DLG2: variants seen among roughly 807,000 people sequenced by gnomAD.
DLG2 encodes the protein discs large MAGUK scaffold protein 2, also known as disks large homolog 2.
A neutral mutation model predicts 132.5 loss-of-function variants in DLG2; 45 were observed. That is an observed-to-expected ratio of 0.34 (90% CI 0.27 to 0.44). The LOEUF (loss-of-function observed/expected upper bound fraction) is 0.44, where lower values mean the gene tolerates loss of function less well. DLG2 is among the 20% of genes least tolerant of loss of function. The pLI is 1.00. For missense variants in DLG2, 1,045 were observed against 1,196.9 expected (o/e 0.87, Z 1.87); for synonymous variants, 424 against 419.6 (o/e 1.01, Z -0.13).
At chr11:85,043,051 T>C (rs1046179329) in intron 6 of DLG2, among the ~76,000 whole-genome samples, 5 of 151,874 alleles carry the variant, frequency 3.3e-5, no homozygotes, top group Non-Finnish European at 5.9e-5. Context: ...ATCGTCAGCC[T>C]TTGCTATCTT....
At chr11:84,897,733 A>G (rs1473067606) in intron 6 of DLG2, among the ~76,000 whole-genome samples, 1 of 151,916 alleles carries the variant, frequency 6.6e-6, no homozygotes, top group African/African-American at 2.4e-5. Flanking sequence ...CTGTATCTCA[A>G]TTACATAGTG....
At chr11:84,242,915 GAAAATAGTC>G (rs1399976391) in intron 8 of DLG2, among the ~76,000 whole-genome samples, 3 of 150,844 alleles carry the variant, frequency 2.0e-5, no homozygotes, top group Non-Finnish European at 4.4e-5. Flanking sequence ...TAGAAGATTT[GAAAATAGTC>G]AACTTAAAAA....
At chr11:83,866,334 C>G (rs2062371573) in intron 16 of DLG2, among the ~76,000 whole-genome samples, 1 of 152,100 alleles carries the variant, frequency 6.6e-6, no homozygotes, top group Admixed American at 6.6e-5. Context: ...AAGTTTGGGA[C>G]AGATAAAATC....
intron 3 of DLG2, among the ~76,000 whole-genome samples, chr11:85,332,755 A>C (rs976631630): frequency 1.3e-5 from 2 of 152,172 alleles, no homozygotes; most frequent in Admixed American, 6.5e-5. Context: ...CTCAAAGATC[A>C]GATGACTGTA....
Position 85,096,392 on chromosome 11 carries a change from G to A in DLG2, c.357+15269C>T, listed in dbSNP as rs961892615. On this transcript the variant is annotated intron_variant, in intron 6 of 27. Transcript: ENST00000376104. Reference sequence around the variant, plus strand: ...AAGTTAGCAAGACCACGAACCCACCGGGAGGAACAAACAACTCCAGACGCG... The same window carrying A: ...AAGTTAGCAAGACCACGAACCCACCAGGAGGAACAAACAACTCCAGACGCG... Among the ~76,000 whole-genome samples, 30 of 150,648 alleles carry A rather than the reference G, an allele frequency of 2.0e-4. No homozygotes were observed. In the East Asian group the frequency reaches 5.9e-3, roughly 30 times the overall value.
At chr11:84,770,643 C>CTTT (rs34470318) in intron 6 of DLG2, among the ~76,000 whole-genome samples, 1,453 of 140,344 alleles carry the variant, frequency 0.01, 26 homozygotes, top group Middle Eastern at 0.015. Context: ...TGATTTCATT[C>CTTT]TTTTTTTTTT....
intron 17 of DLG2, among the ~76,000 whole-genome samples, chr11:83,793,226 G>A (rs1185373870): frequency 1.3e-5 from 2 of 151,996 alleles, no homozygotes; most frequent in African/African-American, 4.8e-5. Context: ...TTGTACTGTT[G>A]TATTTTAACT....
chr11:85,610,568 A>G (rs1157825067), intron 2 of DLG2, among the ~76,000 whole-genome samples: 1 of 152,182 alleles, frequency 6.6e-6, no homozygotes, highest in East Asian at 1.9e-4. Flanking sequence ...TTGGTCAGGC[A>G]CTGGCCCAAG....
intron 7 of DLG2, among the ~76,000 whole-genome samples, chr11:84,400,043 CTG>C (rs947248639): frequency 2.0e-5 from 3 of 152,176 alleles, no homozygotes; most frequent in Admixed American, 1.3e-4. Flanking sequence ...GAAAATTCTG[CTG>C]TGTTTACCTA....
chr11:84,387,787 C>T (rs564537804), intron 7 of DLG2, among the ~76,000 whole-genome samples: 12 of 152,084 alleles, frequency 7.9e-5, no homozygotes, highest in East Asian at 1.9e-4. Context: ...CAGAAGACCA[C>T]GGGATATGGA....
At chr11:83,755,642 G>A (rs1402783116) in intron 18 of DLG2, among the ~76,000 whole-genome samples, 6 of 151,210 alleles carry the variant, frequency 4.0e-5, no homozygotes, top group Non-Finnish European at 8.8e-5. Context: ...TACTGGCCAA[G>A]AATCTAAGCT....
intron 7 of DLG2, among the ~76,000 whole-genome samples, chr11:84,439,629 A>C (rs1396864109): frequency 6.6e-6 from 1 of 152,170 alleles, no homozygotes; most frequent in Admixed American, 6.5e-5. Flanking sequence ...CCAACGAATA[A>C]ATATACATGG....
intron 6 of DLG2, among the ~76,000 whole-genome samples, chr11:84,888,227 G>C (rs1163728453): frequency 6.6e-6 from 1 of 152,092 alleles, no homozygotes; most frequent in Non-Finnish European, 1.5e-5. Context: ...GAGTAAATTA[G>C]CATTTGAATG....
chr11:84,979,573 G>A (rs1015116450), intron 6 of DLG2, among the ~76,000 whole-genome samples: 9 of 151,642 alleles, frequency 5.9e-5, no homozygotes, highest in South Asian at 2.1e-4. Flanking sequence ...ACCAAACACC[G>A]CATGTTCTCA....
chr11:84,814,380 C>A (rs1012367975), intron 6 of DLG2, among the ~76,000 whole-genome samples: 1 of 152,002 alleles, frequency 6.6e-6, no homozygotes, highest in African/African-American at 2.4e-5. Context: ...TGCTCTAGAT[C>A]ACTGGATTTC....
intron 11 of DLG2, among the ~76,000 whole-genome samples, chr11:84,046,879 T>G (rs1469086300): frequency 2.0e-5 from 3 of 151,642 alleles, no homozygotes; most frequent in African/African-American, 7.2e-5. Flanking sequence ...TATCTACAAT[T>G]GAGTTATGTT....
intron 3 of DLG2, among the ~76,000 whole-genome samples, chr11:85,387,548 A>G (rs931795755): frequency 6.6e-6 from 1 of 152,192 alleles, no homozygotes; most frequent in African/African-American, 2.4e-5. Flanking sequence ...TCAGCTGACA[A>G]ATGACCAGTG....
chr11:85,462,220 A>C (rs997935264), intron 3 of DLG2, among the ~76,000 whole-genome samples: 1 of 152,246 alleles, frequency 6.6e-6, no homozygotes, highest in African/African-American at 2.4e-5. Context: ...AAACTAGTTC[A>C]TCCTTTGTGG....
At chr11:85,522,188 G>A (rs1034468967) in intron 3 of DLG2, among the ~76,000 whole-genome samples, 1 of 152,204 alleles carries the variant, frequency 6.6e-6, no homozygotes, top group Admixed American at 6.5e-5. Context: ...ATGGCTAAAA[G>A]GGGCCACGGT....
Sources: allele counts gnomAD v4.1 joint callset (sites outside exome capture counted in the v4.1 genomes callset), GRCh38; gene constraint gnomAD v4.1.1; transcripts MANE v1.5; gene names NCBI Gene and HGNC (gene_info 2026-07-23, HGNC 2026-07-21).